NUDT9: variants seen among roughly 807,000 people sequenced by gnomAD.
NUDT9 encodes the protein ADP-ribose pyrophosphatase.
Under a neutral mutation model 41.0 loss-of-function variants are expected in NUDT9, and 31 were observed. That is an observed-to-expected ratio of 0.76 (90% CI 0.57 to 1.02). The LOEUF (loss-of-function observed/expected upper bound fraction) is 1.02. Among genes scored for constraint, NUDT9 ranks in the 50% least tolerant of loss-of-function variants. The pLI is 0.00. For synonymous variants in NUDT9, 146 were observed against 147.6 expected (o/e 0.99, Z 0.08); for missense variants, 380 against 431.4 (o/e 0.88, Z 1.06).
At chr4:87,457,186 T>G (rs1392321371) in intron 7 of NUDT9, among the ~76,000 whole-genome samples, 1 of 152,112 alleles carries the variant, frequency 6.6e-6, no homozygotes, top group African/African-American at 2.4e-5. Context: ...TCCATTTATA[T>G]TCCCAGCAGT....
intron 4 of NUDT9, among the ~76,000 whole-genome samples, chr4:87,444,421 C>T (rs1351065911): frequency 6.6e-6 from 1 of 152,126 alleles, no homozygotes; most frequent in Non-Finnish European, 1.5e-5. Flanking sequence ...ATCTTCCCTC[C>T]ATCCATCCAT....
intron 4 of NUDT9, among the ~76,000 whole-genome samples, chr4:87,443,140 A>G (rs1331054992): frequency 6.6e-6 from 1 of 152,146 alleles, no homozygotes; most frequent in Admixed American, 6.6e-5. Context: ...ACAATGGCTT[A>G]TGACATCATT....
intron 7 of NUDT9, among the ~76,000 whole-genome samples, chr4:87,457,133 T>G (rs2110195707): frequency 6.6e-6 from 1 of 152,300 alleles, no homozygotes; most frequent in Admixed American, 6.5e-5. Flanking sequence ...ACTTACTTTT[T>G]AAAAGCTCTT....
chr4:87,423,430 ATATAT>A (rs1428746596), intron 1 of NUDT9, among the ~76,000 whole-genome samples: 2 of 152,150 alleles, frequency 1.3e-5, no homozygotes, highest in Non-Finnish European at 2.9e-5. Context: ...AGGGTGGACA[ATATAT>A]TATATTTACT....
chr4:87,437,051 C>A (rs1721967449), intron 2 of NUDT9, among the ~76,000 whole-genome samples: 1 of 151,908 alleles, frequency 6.6e-6, no homozygotes, highest in East Asian at 2.0e-4. Context: ...GAGTTTGAGA[C>A]CAGCTTGGCA....
At chr4:87,432,275 A>T (rs1165852901) in intron 1 of NUDT9, among the ~76,000 whole-genome samples, 1 of 152,212 alleles carries the variant, frequency 6.6e-6, no homozygotes, top group African/African-American at 2.4e-5. Flanking sequence ...TACTTTAAAC[A>T]GGTAGCCTGG....
chr4:87,434,953 G>A lies in NUDT9; in HGVS notation c.108-28G>A. ...TAATTAATATATTTTTGGTATTTAT[G>A]TAAAATGTTTTTCTTTTTCTCCCCC... On this transcript the variant is annotated intron_variant, in intron 1 of 7. Transcript: ENST00000302174. The A allele has an allele frequency of 1.9e-6, 3 of 1,584,178 alleles. 1 individual carries two copies. Among genetic ancestry groups the A allele is most frequent in the South Asian group, 2.3e-5 (2 of 87,404 alleles).
In NUDT9 at chr4:87,438,385, A is replaced by G. The variant is rs1301502256; in HGVS notation, c.443+13A>G. 3.4e-6 allele frequency: 5 copies of G among 1,461,056 alleles called. No individual in the cohort carries two copies. Among genetic ancestry groups the G allele is most frequent in the Non-Finnish European group, 3.8e-6 (4 of 1,043,298 alleles). 90.5% of individuals were successfully genotyped at this position (1,461,056 alleles called of 1,614,324 possible). A position where few individuals can be genotyped will look rare whatever the true frequency, so the allele number is the denominator to read the frequency against. ...ATGGAAGACCGAGGTAGGTACTGGG[A>G]GCAGAGCATCTTACAATAATGAGTC... On this transcript the variant is annotated intron_variant, in intron 3 of 7. Coordinates refer to ENST00000302174, the MANE Select transcript of NUDT9 (RefSeq NM_024047.5).
chr4:87,440,088 C>T (rs1722137835), intron 3 of NUDT9, among the ~76,000 whole-genome samples: 1 of 152,034 alleles, frequency 6.6e-6, no homozygotes, highest in Admixed American at 6.6e-5. Flanking sequence ...TTGCATTTGA[C>T]TGATTCCTTA....
At chr4:87,423,607 T>C (rs1450188830) in intron 1 of NUDT9, among the ~76,000 whole-genome samples, 2 of 152,204 alleles carry the variant, frequency 1.3e-5, no homozygotes, top group African/African-American at 4.8e-5. Flanking sequence ...TTTATAGATA[T>C]TAAAAGTCTT....
At chr4:87,432,628 A>G (rs1721735938) in intron 1 of NUDT9, among the ~76,000 whole-genome samples, 1 of 152,108 alleles carries the variant, frequency 6.6e-6, no homozygotes, top group Admixed American at 6.5e-5. Flanking sequence ...CCTTCACACC[A>G]TTAGCTGTGG....
intron 1 of NUDT9, among the ~76,000 whole-genome samples, chr4:87,428,942 T>A (rs903517747): frequency 6.6e-6 from 1 of 152,132 alleles, no homozygotes; most frequent in African/African-American, 2.4e-5. Flanking sequence ...TTACTCTTGG[T>A]CTTGTACTTT....
At chr4:87,425,947 C>T (rs1721396754) in intron 1 of NUDT9, among the ~76,000 whole-genome samples, 1 of 151,920 alleles carries the variant, frequency 6.6e-6, no homozygotes. Context: ...TCTGGTACTA[C>T]CGGTGCGCAC....
At chr4:87,440,006 T>G (rs1162831347) in intron 3 of NUDT9, among the ~76,000 whole-genome samples, 1 of 152,232 alleles carries the variant, frequency 6.6e-6, no homozygotes, top group Non-Finnish European at 1.5e-5. Flanking sequence ...CCTTCAGTTT[T>G]GCTAAGTTCT....
chr4:87,451,814 A>T, intron 6 of NUDT9, 79 bp downstream of exon 6: 1 of 1,217,774 alleles, frequency 8.2e-7, no homozygotes, highest in South Asian at 1.4e-5. Context: ...GGAAATCTGT[A>T]TGTCCTTCTC....
At chr4:87,425,146 AG>A (rs1284765121) in intron 1 of NUDT9, among the ~76,000 whole-genome samples, 1 of 152,064 alleles carries the variant, frequency 6.6e-6, no homozygotes, top group African/African-American at 2.4e-5. Flanking sequence ...GTGTGAGGCC[AG>A]GAGTTTGAGA....
In NUDT9 at chr4:87,457,877, A is replaced by G. The variant is rs1454106022; in HGVS notation, c.909A>G (p.Gly303=). Residue 303 remains glycine, a synonymous_variant, in exon 8 of 8, where the codon GGA becomes GGG. Coordinates refer to ENST00000302174, the MANE Select transcript of NUDT9 (RefSeq NM_024047.5). The stretch of plus-strand genomic sequence containing the variant: ...TGGATAATCTTATGCTAGAAGCTGG[A>G]GATGATGCTGGAAAAGTGAAATGGG... The part of the protein sequence containing the change: ...EIMDNLMLEA[G]DDAGKVKWVD... 6.2e-7 allele frequency: 1 copy of G among 1,611,560 alleles called. No homozygotes were observed. Among genetic ancestry groups the G allele is most frequent in the African/African-American group, 1.3e-5 (1 of 74,610 alleles).
intron 3 of NUDT9, 109 bp from the exon 4 acceptor site, chr4:87,441,720 A>G: frequency 2.4e-6 from 2 of 835,070 alleles, no homozygotes; most frequent in East Asian, 5.3e-5. Context: ...TTGGATTTGT[A>G]AGGACTTATT....
chr4:87,423,686 CTG>C (rs1204071340), intron 1 of NUDT9, among the ~76,000 whole-genome samples: 1 of 152,136 alleles, frequency 6.6e-6, no homozygotes, highest in Non-Finnish European at 1.5e-5. Flanking sequence ...GTCAATTGTT[CTG>C]TGTCTTTTTG....
Sources: gnomAD v4.1 joint callset for allele counts (sites outside exome capture counted in the v4.1 genomes callset) on GRCh38, gnomAD v4.1.1 for gene constraint, MANE v1.5 for transcripts, NCBI Gene and HGNC (gene_info 2026-07-23, HGNC 2026-07-21) for gene names.